The following HMGB1 variants were observed in gnomAD, a reference collection of about 807,000 sequenced individuals.
HMGB1 encodes the protein high mobility group protein B1.
For missense variants in HMGB1, 79 were observed against 253.5 expected, an observed-to-expected ratio of 0.31 and a Z score of 4.67; for synonymous variants, 81 against 84.0, an observed-to-expected ratio of 0.96 and a Z score of 0.19.
chr13:30,503,281 T>G (rs1006053340), intron 1 of HMGB1, among the ~76,000 whole-genome samples: 1 of 151,930 alleles, frequency 6.6e-6, no homozygotes, highest in African/African-American at 2.4e-5. Context: ...GAGGTGGAGC[T>G]TGCAGTGAGC....
intron 1 of HMGB1, chr13:30,465,359 G>C (rs1210710463): frequency 1.5e-5 from 2 of 136,050 alleles, no homozygotes; most frequent in Non-Finnish European, 3.2e-5. Context: ...GGCCAATGCA[G>C]CCCGGGGAAG....
chr13:30,563,321 T>G (rs2137526791), intron 1 of HMGB1, among the ~76,000 whole-genome samples: 1 of 152,276 alleles, frequency 6.6e-6, no homozygotes, highest in South Asian at 2.1e-4. Flanking sequence ...AATAAAACAT[T>G]GCTGTGGCTG....
intron 1 of HMGB1, 95 bp downstream of exon 1, chr13:30,465,701 G>T: frequency 1.7e-6 from 1 of 602,932 alleles, no homozygotes; most frequent in Non-Finnish European, 2.1e-6. Flanking sequence ...TGTGGATCCT[G>T]ACCCGCCGGC....
intron 1 of HMGB1, among the ~76,000 whole-genome samples, chr13:30,534,128 G>A (rs957832207): frequency 2.6e-5 from 4 of 152,164 alleles, no homozygotes; most frequent in African/African-American, 9.7e-5. Context: ...AAAGTGCTGG[G>A]ATTATATGCG....
chr13:30,611,362 C>T (rs1019211135), intron 1 of HMGB1, among the ~76,000 whole-genome samples: 6 of 152,180 alleles, frequency 3.9e-5, no homozygotes, highest in African/African-American at 1.4e-4. Flanking sequence ...TGGGGTTTCA[C>T]CATGCTGGCC....
intron 1 of HMGB1, among the ~76,000 whole-genome samples, chr13:30,538,908 GT>G (rs1053631417): frequency 1.1e-4 from 16 of 150,246 alleles, no homozygotes; most frequent in African/African-American, 3.9e-4. Flanking sequence ...GTTTTGTTTT[GT>G]TTTTTGAGAT....
intron 1 of HMGB1, among the ~76,000 whole-genome samples, chr13:30,507,434 C>T (rs1008207084): frequency 2.0e-5 from 3 of 152,206 alleles, no homozygotes; most frequent in Non-Finnish European, 2.9e-5. Context: ...CCAGCAATCA[C>T]CACACTCTCT....
At chr13:30,479,614 C>T (rs1393310298) in intron 1 of HMGB1, among the ~76,000 whole-genome samples, 3 of 152,166 alleles carry the variant, frequency 2.0e-5, no homozygotes, top group Non-Finnish European at 4.4e-5. Flanking sequence ...GCTTTGGAAC[C>T]GGACACCTCT....
chr13:30,508,493 A>C (rs1887920172), intron 1 of HMGB1, among the ~76,000 whole-genome samples: 1 of 152,170 alleles, frequency 6.6e-6, no homozygotes, highest in African/African-American at 2.4e-5. Flanking sequence ...GTCTGATGAC[A>C]GAGCAAGACT....
At chr13:30,464,709 G>GCGCCTGCGCCGC in intron 1 of HMGB1, 5 of 754,354 alleles carry the variant, frequency 6.6e-6, no homozygotes, top group South Asian at 6.1e-5. Context: ...TTCTCCGCCT[G>GCGCCTGCGCCGC]CGCCGCCGCC....
intron 1 of HMGB1, among the ~76,000 whole-genome samples, chr13:30,585,469 C>T (rs1006618500): frequency 2.6e-5 from 4 of 152,116 alleles, no homozygotes; most frequent in Non-Finnish European, 4.4e-5. Context: ...GGGCAGATCA[C>T]TTAAGGTCAG....
intron 1 of HMGB1, among the ~76,000 whole-genome samples, chr13:30,513,372 C>T (rs577254207): frequency 6.6e-6 from 1 of 152,230 alleles, no homozygotes; most frequent in African/African-American, 2.4e-5. Context: ...AGGAAGTCAC[C>T]CCATGTGAAT....
At chr13:30,584,061 AAG>A (rs369284323) in intron 1 of HMGB1, among the ~76,000 whole-genome samples, 128 of 149,446 alleles carry the variant, frequency 8.6e-4, no homozygotes, top group African/African-American at 1.9e-3. Flanking sequence ...AAAGGAAAAG[AAG>A]AGAGAGAGAG....
chr13:30,467,134 C>G (rs943374657), upstream of HMGB1, among the ~76,000 whole-genome samples: 2 of 152,238 alleles, frequency 1.3e-5, no homozygotes, highest in African/African-American at 4.8e-5. Context: ...GAAGACTCTA[C>G]AGTTATATCA....
Position 30,460,045 on chromosome 13 carries a change from T to TA in HMGB1, c.*1311dup, listed in dbSNP as rs2137386623. ...AAATACTGGCACTTTAAGAAAACGA[T>TA]AATCTCGAAAACCACAAAATTGCCA... On this transcript the variant is annotated 3_prime_UTR_variant, in exon 5 of 5. Coordinates refer to ENST00000341423, the MANE Select transcript of HMGB1 (RefSeq NM_002128.7). 1 of 152,682 alleles carries TA rather than the reference T, an allele frequency of 6.5e-6. No homozygotes were observed. The highest frequency in any genetic ancestry group is 1.5e-5 in the Non-Finnish European group (1 of 67,966). The allele number at this position is 152,682 out of a possible 1,614,324, so 9.5% of individuals were successfully genotyped here. A position where few individuals can be genotyped will look rare whatever the true frequency, so the allele number is the denominator to read the frequency against.
At chr13:30,481,474 A>C (rs1887226950) in intron 1 of HMGB1, among the ~76,000 whole-genome samples, 1 of 152,244 alleles carries the variant, frequency 6.6e-6, no homozygotes, top group Admixed American at 6.5e-5. Context: ...CTATGTCCAG[A>C]AGGAGTAATA....
intron 1 of HMGB1, among the ~76,000 whole-genome samples, chr13:30,583,528 CAAAAAAAAAAA>C (rs35519297): frequency 4.5e-5 from 3 of 66,964 alleles, no homozygotes; most frequent in Admixed American, 3.6e-4. Context: ...ACCTGGTCTC[CAAAAAAAAAAA>C]AAAAAAAAAA....
At chr13:30,592,616 T>C (rs1871416158) in intron 1 of HMGB1, among the ~76,000 whole-genome samples, 2 of 152,074 alleles carry the variant, frequency 1.3e-5, no homozygotes, top group South Asian at 4.1e-4. Flanking sequence ...ACAAGTGAAG[T>C]TGTGGCTGGG....
chr13:30,544,362 G>C (rs541463166), intron 1 of HMGB1, among the ~76,000 whole-genome samples: 1 of 152,334 alleles, frequency 6.6e-6, no homozygotes, highest in African/African-American at 2.4e-5. Flanking sequence ...GGACCCCTAA[G>C]TAGCTTCAGG....
Sources: gnomAD v4.1 joint callset for allele counts (sites outside exome capture counted in the v4.1 genomes callset) on GRCh38, gnomAD v4.1.1 for gene constraint, MANE v1.5 for transcripts, NCBI Gene and HGNC (gene_info 2026-07-23, HGNC 2026-07-21) for gene names.